YJEFN3: variants seen among roughly 807,000 people sequenced by gnomAD.
The protein encoded by YJEFN3 is yjeF N-terminal domain-containing protein 3.
A neutral mutation model predicts 31.5 loss-of-function variants in YJEFN3; 29 were observed. That is an observed-to-expected ratio of 0.92 (90% confidence interval 0.69 to 1.26). YJEFN3 has a LOEUF of 1.26. Ranked by LOEUF, YJEFN3 falls within the 50% of genes most tolerant of loss-of-function variation. The probability of loss-of-function intolerance (pLI) is 0.00; values close to 1 mark genes in which losing one functional copy is unlikely to be tolerated. For missense variants in YJEFN3, 442 were observed against 425.4 expected (o/e 1.04, Z -0.34); for synonymous variants, 227 against 196.1 (o/e 1.16, Z -1.32).
chr19:19,530,800 GTT>G (rs550378672), intron 2 of YJEFN3, among the ~76,000 whole-genome samples: 1 of 152,212 alleles, frequency 6.6e-6, no homozygotes, highest in Non-Finnish European at 1.5e-5. Flanking sequence ...ACAGGCTGAG[GTT>G]TGAATTTGGC....
chr19:19,529,175 TGGCCAAGACG>T, intron 1 of YJEFN3, 179 bp from the exon 2 acceptor site: 1 of 1,451,416 alleles, frequency 6.9e-7, no homozygotes, highest in Non-Finnish European at 9.1e-7. Flanking sequence ...GGCAGGGATA[TGGCCAAGACG>T]GGCCTGGGAA....
chr19:19,533,468 C>T (rs1377832981), intron 3 of YJEFN3: 2 of 952,100 alleles, frequency 2.1e-6, no homozygotes, highest in Non-Finnish European at 2.5e-6. Context: ...CTCCTGCCCC[C>T]TCCTCTTACC....
chr19:19,535,036 G>A lies in YJEFN3; in HGVS notation c.321G>A (p.Ala107=), dbSNP rs192262700. ...GHASAVAVTK[A]FPLPALSRKQ... is the part of the protein sequence containing the mutation. ...TTTGCTGTGTCCCCTACCACCAGGC[G>A]TTCCCGTTGCCCGCTCTCTCCCGGA... The change falls in exon 4 of 7, where the codon GCG becomes GCA. Residue 107 remains alanine, a splice_region_variant and synonymous_variant. Transcript: ENST00000514277. 39 of 1,595,024 alleles carry A rather than the reference G, an allele frequency of 2.4e-5. No homozygotes were observed. In the African/African-American group the frequency reaches 4.2e-4, roughly 17 times the overall value.
chr19:19,529,366 C>G lies in YJEFN3; in HGVS notation c.62C>G (p.Ala21Gly). Residue 21 changes from alanine (A) to glycine (G), a missense_variant and splice_region_variant, in exon 2 of 7, where the codon GCC becomes GGC. Ala to Gly is a moderately conservative substitution (Grantham distance 60, BLOSUM62 0). Transcript: ENST00000514277. ...EAPEERHFLR[A>G]LELQPPLADM... is the part of the protein sequence containing the mutation. ...CCCCCACTCTCCATCTCTCCCAGGG[C>G]CTTGGAGCTGCAGCCCCCACTTGCC... 2 of 1,611,332 alleles carry G rather than the reference C, an allele frequency of 1.2e-6. No homozygotes were observed. The highest frequency in any genetic ancestry group is 2.7e-5 in the African/African-American group (2 of 75,026).
chr19:19,535,929 GGCCCA>G, intron 6 of YJEFN3: 3 of 606,482 alleles, frequency 4.9e-6, no homozygotes, highest in Non-Finnish European at 8.7e-6. Flanking sequence ...GCCCACCCCT[GGCCCA>G]GTTGCCTGGG....
intron 2 of YJEFN3, 114 bp downstream of exon 2, chr19:19,529,627 A>G: frequency 2.1e-6 from 3 of 1,430,164 alleles, no homozygotes; most frequent in Non-Finnish European, 2.8e-6. Flanking sequence ...TGTGAACCAG[A>G]TGCGTCCAAC....
chr19:19,533,109 GA>G, intron 3 of YJEFN3: 1 of 1,034,532 alleles, frequency 9.7e-7, no homozygotes, highest in Non-Finnish European at 1.2e-6. Flanking sequence ...TGCAGGTGGG[GA>G]AACTGAAGCT....
chr19:19,531,968 G>T (rs2061161033), intron 2 of YJEFN3, among the ~76,000 whole-genome samples: 1 of 151,882 alleles, frequency 6.6e-6, no homozygotes. Context: ...TGGAACTCCT[G>T]ACCTCAAGTG....
At chr19:19,531,471 A>G (rs1051490269) in intron 2 of YJEFN3, among the ~76,000 whole-genome samples, 1 of 152,152 alleles carries the variant, frequency 6.6e-6, no homozygotes, top group Non-Finnish European at 1.5e-5. Context: ...GCTAGAGTGC[A>G]GTGGCGTGAT....
In YJEFN3 at chr19:19,534,115, G is replaced by A; in HGVS notation, c.319-919G>A. 3 of 985,672 alleles carry A rather than the reference G, an allele frequency of 3.0e-6. No individual in the cohort carries two copies. The highest frequency in any genetic ancestry group is 3.6e-6 in the Non-Finnish European group (3 of 830,064). 61.1% of individuals were successfully genotyped at this position (985,672 alleles called of 1,614,324 possible). ...CCAAACTGAGTCTGGGAGAGAAGGG[G>A]CTGGGGCCACGCAGAATCAGGGCAG... On this transcript the variant is annotated intron_variant, in intron 3 of 6. Transcript: ENST00000514277. The surrounding 1 kb of genome is among the most constrained non-coding windows in gnomAD (Gnocchi z 4.6).
intron 2 of YJEFN3, 53 bp from the exon 3 acceptor site, chr19:19,532,579 C>A: frequency 7.8e-7 from 1 of 1,285,796 alleles, no homozygotes. Flanking sequence ...CTGGCTCCAT[C>A]TGAGGCTCTG....
At chr19:19,536,651 C>T (rs4808969) in intron 6 of YJEFN3, among the ~76,000 whole-genome samples, 23,535 of 151,576 alleles carry the variant, frequency 0.16, 1,915 homozygotes, top group Middle Eastern at 0.28. Flanking sequence ...TGCACTCCAG[C>T]CTGGGCAATA....
intron 2 of YJEFN3, among the ~76,000 whole-genome samples, chr19:19,529,938 G>C (rs932979537): frequency 6.6e-6 from 1 of 152,192 alleles, no homozygotes; most frequent in South Asian, 2.1e-4. Context: ...TTTGGGACCC[G>C]GTGATGCAAT....
Position 19,534,288 on chromosome 19 carries a change from TACAG to T in YJEFN3, c.319-744_319-741del. 1 of 552,778 alleles carries T rather than the reference TACAG, an allele frequency of 1.8e-6. No individual in the cohort carries two copies. Among genetic ancestry groups the T allele is most frequent in the Non-Finnish European group, 2.3e-6 (1 of 438,232 alleles). The allele number at this position is 552,778 out of a possible 1,614,324, so 34.2% of individuals were successfully genotyped here. On this transcript the variant is annotated intron_variant, in intron 3 of 6. Coordinates refer to ENST00000514277, the MANE Select transcript of YJEFN3 (RefSeq NM_198537.4). This position sits in a 1 kb window ranked among gnomAD's most constrained non-coding sequence, Gnocchi z 4.6. The stretch of plus-strand genomic sequence containing the variant: ...AAATGGAGAAAGAGAGCCAGAGACA[TACAG>T]AAAGACAGAGACACTAGAGTCTGAG...
chr19:19,529,227 G>A (rs1055023903), intron 1 of YJEFN3, 137 bp from the exon 2 acceptor site: 2 of 1,449,004 alleles, frequency 1.4e-6, no homozygotes, highest in Non-Finnish European at 1.8e-6. Context: ...CTGGCATCTT[G>A]CTGGAGACAC....
chr19:19,533,954 G>A (rs2061182547), intron 3 of YJEFN3: 7 of 985,590 alleles, frequency 7.1e-6, no homozygotes, highest in Non-Finnish European at 8.4e-6. Context: ...TCAGGACTGC[G>A]CTAAGCCTTT....
chr19:19,530,777 A>G (rs2061147859), intron 2 of YJEFN3, among the ~76,000 whole-genome samples: 1 of 152,002 alleles, frequency 6.6e-6, no homozygotes, highest in Non-Finnish European at 1.5e-5. Flanking sequence ...ACTTCATCCT[A>G]TGTCAGCTGC....
intron 4 of YJEFN3, 34 bp from the exon 5 acceptor site, chr19:19,535,303 A>C: frequency 6.3e-7 from 1 of 1,597,608 alleles, no homozygotes. Flanking sequence ...TGACCAGGTC[A>C]GGGGAGTCTG....
intron 3 of YJEFN3, chr19:19,533,826 C>T: frequency 1.0e-6 from 1 of 985,436 alleles, no homozygotes; most frequent in South Asian, 4.7e-5. Flanking sequence ...GCTCAGTGGC[C>T]AACTGTCTGG....
Sources: gnomAD v4.1 joint callset for allele counts (sites outside exome capture counted in the v4.1 genomes callset) on GRCh38, gnomAD v4.1.1 for gene constraint, Gnocchi (gnomAD v3.1) non-coding constraint, MANE v1.5 for transcripts, NCBI Gene and HGNC (gene_info 2026-07-23, HGNC 2026-07-21) for gene names.